CREB5: variants seen among roughly 807,000 people sequenced by gnomAD.
The protein encoded by CREB5 is cyclic AMP-responsive element-binding protein 5.
A neutral mutation model predicts 57.1 loss-of-function variants in CREB5; 19 were observed. The observed-to-expected ratio is 0.33, with a 90% CI of 0.23 to 0.49. The LOEUF (loss-of-function observed/expected upper bound fraction) is 0.49, where lower values mean the gene tolerates loss of function less well. CREB5 is among the 20% of genes least tolerant of loss of function. The probability of loss-of-function intolerance (pLI) is 0.99; values close to 1 mark genes in which losing one functional copy is unlikely to be tolerated. For missense variants in CREB5, 579 were observed against 671.6 expected (o/e 0.86, Z 1.52); for synonymous variants, 238 against 238.3 (o/e 1.00, Z 0.01).
rs79110596 is a variant in CREB5, at chr7:28,342,355, T to C, written c.-25+42914T>C. 2.6e-4 allele frequency among the ~76,000 whole-genome samples: 39 copies of C among 152,182 alleles called. No homozygotes were observed. In the East Asian group the frequency reaches 7.1e-3, roughly 28 times the overall value. ...CCCCCTTTTTCCCATGAGCTGAGAG[T>C]GGCTAAGAAAATAACCATACAAGAT... is the stretch of plus-strand genomic sequence containing the variant. On this transcript the variant is annotated intron_variant, in intron 1 of 9. Transcript: ENST00000396299.
chr7:28,730,306 T>C (rs936618557), intron 7 of CREB5, among the ~76,000 whole-genome samples: 32 of 151,882 alleles, frequency 2.1e-4, no homozygotes, highest in Non-Finnish European at 2.9e-4. Context: ...ACGTACTAGG[T>C]GGTGCAGCTA....
chr7:28,680,758 C>T (rs1249177470), intron 5 of CREB5, among the ~76,000 whole-genome samples: 1 of 128,230 alleles, frequency 7.8e-6, no homozygotes, highest in Non-Finnish European at 1.6e-5. Flanking sequence ...GACACTGTAT[C>T]AACCTATCTC....
intron 7 of CREB5, among the ~76,000 whole-genome samples, chr7:28,774,415 A>G (rs942619604): frequency 1.3e-5 from 2 of 152,204 alleles, no homozygotes; most frequent in South Asian, 2.1e-4. Flanking sequence ...AAAGTTGTCT[A>G]TGGGTCCTTT....
intron 4 of CREB5, among the ~76,000 whole-genome samples, chr7:28,529,090 C>A (rs1051075129): frequency 1.3e-5 from 2 of 152,212 alleles, no homozygotes; most frequent in African/African-American, 2.4e-5. Context: ...ATTCCTGATT[C>A]TTCTGTGGGA....
At chr7:28,398,788 T>C (rs1787388458) in intron 1 of CREB5, among the ~76,000 whole-genome samples, 1 of 152,134 alleles carries the variant, frequency 6.6e-6, no homozygotes, top group Non-Finnish European at 1.5e-5. Flanking sequence ...CATGGCTCAC[T>C]ACAGCCTTGG....
At chr7:28,345,050 A>G (rs1157291655) in intron 1 of CREB5, among the ~76,000 whole-genome samples, 2 of 152,252 alleles carry the variant, frequency 1.3e-5, no homozygotes, top group Non-Finnish European at 2.9e-5. Flanking sequence ...ATAGATAGCA[A>G]TACAATAATA....
intron 1 of CREB5, among the ~76,000 whole-genome samples, chr7:28,390,625 C>G (rs1787198199): frequency 6.6e-6 from 1 of 152,112 alleles, no homozygotes; most frequent in Non-Finnish European, 1.5e-5. Flanking sequence ...TGATTTCAAA[C>G]CAGAAGAGTT....
At chr7:28,477,583 G>A (rs1374672615) in intron 1 of CREB5, among the ~76,000 whole-genome samples, 1 of 152,232 alleles carries the variant, frequency 6.6e-6, no homozygotes, top group Non-Finnish European at 1.5e-5. Context: ...CAGAAAAAGA[G>A]AAGGCCCTGC....
chr7:28,351,686 C>T (rs528814029), intron 1 of CREB5, among the ~76,000 whole-genome samples: 165 of 152,096 alleles, frequency 1.1e-3, no homozygotes, highest in African/African-American at 3.8e-3. Context: ...CTCTGAGCCA[C>T]GAAGCTGAAT....
intron 5 of CREB5, among the ~76,000 whole-genome samples, chr7:28,696,915 A>G (rs1380891055): frequency 2.0e-5 from 3 of 151,846 alleles, no homozygotes; most frequent in East Asian, 1.9e-4. Flanking sequence ...ATACACACAT[A>G]TATGTGTATA....
At chr7:28,798,657 G>A (rs1298349005) in intron 7 of CREB5, among the ~76,000 whole-genome samples, 27 of 152,172 alleles carry the variant, frequency 1.8e-4, no homozygotes, top group Admixed American at 1.8e-3. Flanking sequence ...TGGACCAAAT[G>A]AAAATGACTC....
chr7:28,302,466 A>T (rs1403646549), intron 1 of CREB5, among the ~76,000 whole-genome samples: 1 of 152,224 alleles, frequency 6.6e-6, no homozygotes, highest in Non-Finnish European at 1.5e-5. Flanking sequence ...ATGGAACATA[A>T]TTATCTAAAT....
At chr7:28,508,474 T>C (rs1737177957) in intron 4 of CREB5, among the ~76,000 whole-genome samples, 1 of 152,186 alleles carries the variant, frequency 6.6e-6, no homozygotes, top group East Asian at 1.9e-4. Flanking sequence ...TGAACAGAAA[T>C]TCAAAATGTG....
At chr7:28,387,406 A>G (rs1583413476) in intron 1 of CREB5, among the ~76,000 whole-genome samples, 1 of 150,836 alleles carries the variant, frequency 6.6e-6, no homozygotes, top group Admixed American at 6.6e-5. Flanking sequence ...TCCTTTGCCC[A>G]CTTTTTAATG....
chr7:28,530,006 A>C (rs916365139), intron 4 of CREB5, among the ~76,000 whole-genome samples: 2 of 152,126 alleles, frequency 1.3e-5, no homozygotes, highest in Non-Finnish European at 2.9e-5. Flanking sequence ...ATCACTTATA[A>C]TTTTCCTGAT....
intron 5 of CREB5, among the ~76,000 whole-genome samples, chr7:28,595,614 T>C (rs1272214180): frequency 6.6e-6 from 1 of 152,152 alleles, no homozygotes; most frequent in Non-Finnish European, 1.5e-5. Flanking sequence ...CACTTTTAAT[T>C]TTAGCCAAAG....
At chr7:28,399,705 A>G (rs1787413167) in intron 1 of CREB5, among the ~76,000 whole-genome samples, 2 of 152,148 alleles carry the variant, frequency 1.3e-5, no homozygotes, top group South Asian at 4.1e-4. Flanking sequence ...GCTTGAGCCC[A>G]GGAGTTTGAG....
At chr7:28,435,260 G>C (rs1449083763) in intron 1 of CREB5, among the ~76,000 whole-genome samples, 8 of 152,098 alleles carry the variant, frequency 5.3e-5, no homozygotes, top group Admixed American at 1.3e-4. Context: ...TCCCTAGGAG[G>C]GGGGTGGATC....
rs1388312447 is a variant in CREB5, at chr7:28,560,831, CGCGT to C, written c.292-9532_292-9529del. Among the ~76,000 whole-genome samples, 20 of 58,936 alleles carry C rather than the reference CGCGT, an allele frequency of 3.4e-4. 2 individuals carry two copies. Among genetic ancestry groups the C allele is most frequent in the South Asian group, 2.0e-3 (3 of 1,468 alleles). The allele number at this position is 58,936 out of a possible 152,430, so 38.7% of individuals were successfully genotyped here. On this transcript the variant is annotated intron_variant, in intron 4 of 10. Transcript: ENST00000357727. ...GCGCGTGTGTGTGTGTGCGCGCGCGCGCGTGTGTGTGTGCGCGTGTGTGTGTGCG... is the reference window on the plus strand; with the variant it reads ...GCGCGTGTGTGTGTGTGCGCGCGCGCGTGTGTGTGCGCGTGTGTGTGTGCG...
Sources: gnomAD v4.1 joint callset for allele counts (sites outside exome capture counted in the v4.1 genomes callset) on GRCh38, gnomAD v4.1.1 for gene constraint, MANE v1.5 for transcripts, NCBI Gene and HGNC (gene_info 2026-07-23, HGNC 2026-07-21) for gene names.